The following SNX29 variants were observed in gnomAD, a reference collection of about 807,000 sequenced individuals.
The protein encoded by SNX29 is sorting nexin 29.
Under a neutral mutation model 102.1 loss-of-function variants are expected in SNX29, and 78 were observed. That is an observed-to-expected ratio of 0.76 (90% CI 0.64 to 0.92). The LOEUF is 0.92. Ranked by LOEUF, SNX29 falls within the 40% of genes least tolerant of loss-of-function variation. The pLI is 0.00. For missense variants in SNX29, 1,280 were observed against 1,061.7 expected (o/e 1.21, Z -2.86); for synonymous variants, 580 against 414.5 (o/e 1.40, Z -4.85).
chr16:12,220,971 G>A (rs1193742109), intron 14 of SNX29, among the ~76,000 whole-genome samples: 1 of 152,184 alleles, frequency 6.6e-6, no homozygotes, highest in Non-Finnish European at 1.5e-5. Flanking sequence ...GAATAAATAT[G>A]TGCTGTACAC....
intron 20 of SNX29, among the ~76,000 whole-genome samples, chr16:12,556,875 T>TAAGGTG (rs2078388162): frequency 2.6e-5 from 4 of 151,802 alleles, no homozygotes; most frequent in African/African-American, 9.7e-5. Context: ...TTTTTTGAGA[T>TAAGGTG]AGGGTCTCCG....
chr16:12,497,448 G>A (rs970951846), intron 19 of SNX29, among the ~76,000 whole-genome samples: 1 of 152,158 alleles, frequency 6.6e-6, no homozygotes, highest in South Asian at 2.1e-4. Context: ...GTGTATCATC[G>A]TGGATGCTTT....
At chr16:12,046,144 A>G (rs1268048633) in intron 5 of SNX29, among the ~76,000 whole-genome samples, 6 of 152,184 alleles carry the variant, frequency 3.9e-5, no homozygotes, top group African/African-American at 1.4e-4. Context: ...TATCATGTCT[A>G]TTTTAGTACT....
intron 10 of SNX29, 57 bp from the exon 11 acceptor site, chr16:12,078,776 T>C (rs2051712935): frequency 6.9e-7 from 1 of 1,453,544 alleles, no homozygotes; most frequent in Non-Finnish European, 9.5e-7. Flanking sequence ...TTTGGAATGG[T>C]GAGGGTGTGT....
chr16:12,007,954 C>A (rs112939436), intron 3 of SNX29, among the ~76,000 whole-genome samples: 2,012 of 152,060 alleles, frequency 0.013, 39 homozygotes, highest in African/African-American at 0.046. Flanking sequence ...CTTTTTCTTT[C>A]TTTTTTTGAG....
Position 12,572,711 on chromosome 16 carries a change from C to G in SNX29, c.*4082C>G, listed in dbSNP as rs1409078448. Reference sequence around the variant, plus strand: ...CTGCACTCCAGCAGCATCTTCCAGCCTTGGCACAGAACTGATGGCAAAGGA... The same window carrying G: ...CTGCACTCCAGCAGCATCTTCCAGCGTTGGCACAGAACTGATGGCAAAGGA... On this transcript the variant is annotated 3_prime_UTR_variant, in exon 21 of 21. Transcript: ENST00000566228. 2.8e-6 allele frequency: 3 copies of G among 1,063,874 alleles called. No homozygotes were observed. Among genetic ancestry groups the G allele is most frequent in the Non-Finnish European group, 3.4e-6 (3 of 878,446 alleles). 65.9% of individuals were successfully genotyped at this position (1,063,874 alleles called of 1,614,324 possible). A position where few individuals can be genotyped will look rare whatever the true frequency, so the allele number is the denominator to read the frequency against.
chr16:12,380,742 T>TCCAC (rs2083073247), intron 16 of SNX29, among the ~76,000 whole-genome samples: 1 of 48,972 alleles, frequency 2.0e-5, no homozygotes, highest in Non-Finnish European at 4.1e-5. Flanking sequence ...CATCCATCCA[T>TCCAC]CCACCCACCA....
intron 18 of SNX29, among the ~76,000 whole-genome samples, chr16:12,434,097 C>T (rs1209109061): frequency 6.6e-6 from 1 of 152,178 alleles, no homozygotes; most frequent in Admixed American, 6.5e-5. Flanking sequence ...GTGTTTATTT[C>T]ATGCCATTTG....
At chr16:12,010,898 G>T (rs374968291) in intron 3 of SNX29, among the ~76,000 whole-genome samples, 1 of 152,086 alleles carries the variant, frequency 6.6e-6, no homozygotes, top group Non-Finnish European at 1.5e-5. Flanking sequence ...GAGGACTTAC[G>T]AAACGGAATG....
At chr16:12,462,798 A>G (rs111232146) in intron 18 of SNX29, among the ~76,000 whole-genome samples, 11 of 152,238 alleles carry the variant, frequency 7.2e-5, no homozygotes, top group African/African-American at 2.7e-4. Context: ...AAAAAGCTCT[A>G]TGCAGAATAT....
chr16:12,082,487 A>G (rs1420257341), intron 11 of SNX29, among the ~76,000 whole-genome samples: 1 of 152,200 alleles, frequency 6.6e-6, no homozygotes, highest in Non-Finnish European at 1.5e-5. Flanking sequence ...TTCAGTGATG[A>G]CATACATGCC....
chr16:12,102,299 G>T (rs1477199369), intron 11 of SNX29, among the ~76,000 whole-genome samples: 1 of 152,160 alleles, frequency 6.6e-6, no homozygotes, highest in Non-Finnish European at 1.5e-5. Context: ...GGATTGCTGG[G>T]TCAAATGATA....
chr16:12,564,490 A>G (rs1219661386), intron 20 of SNX29, among the ~76,000 whole-genome samples: 1 of 152,214 alleles, frequency 6.6e-6, no homozygotes, highest in Non-Finnish European at 1.5e-5. Flanking sequence ...CAAGGTCTAG[A>G]GTGTCTTAAC....
intron 16 of SNX29, among the ~76,000 whole-genome samples, chr16:12,368,077 T>A (rs2082550746): frequency 6.6e-6 from 1 of 152,184 alleles, no homozygotes; most frequent in African/African-American, 2.4e-5. Context: ...TGGGGGGAGT[T>A]GGAAGTATTA....
intron 20 of SNX29, among the ~76,000 whole-genome samples, chr16:12,540,545 G>A (rs1009333820): frequency 6.6e-6 from 1 of 152,230 alleles, no homozygotes; most frequent in Admixed American, 6.5e-5. Flanking sequence ...CTTCCTGGCA[G>A]CCACCCTATG....
chr16:12,505,597 G>C (rs926833674), intron 19 of SNX29, among the ~76,000 whole-genome samples: 3 of 152,080 alleles, frequency 2.0e-5, no homozygotes, highest in Non-Finnish European at 2.9e-5. Flanking sequence ...AAGCAGATTC[G>C]CATAGTTAGC....
At chr16:12,390,386 A>G (rs2083487300) in intron 16 of SNX29, among the ~76,000 whole-genome samples, 2 of 152,016 alleles carry the variant, frequency 1.3e-5, no homozygotes, top group South Asian at 4.2e-4. Flanking sequence ...TGCCTCATCC[A>G]TCCCTGTCCT....
At chr16:12,482,814 GA>G (rs376164732) in intron 19 of SNX29, among the ~76,000 whole-genome samples, 73 of 152,290 alleles carry the variant, frequency 4.8e-4, no homozygotes, top group African/African-American at 1.6e-3. Flanking sequence ...TTTTATAGTT[GA>G]AAGTGATCTT....
chr16:12,447,878 C>G lies in SNX29; in HGVS notation c.2038-29841C>G, dbSNP rs892272386. Among the ~76,000 whole-genome samples, 15 of 152,254 alleles carry G rather than the reference C, an allele frequency of 9.9e-5. No individual in the cohort carries two copies. The Middle Eastern group carries it at 0.01, about 104-fold the overall frequency. On this transcript the variant is annotated intron_variant, in intron 18 of 20. Transcript: ENST00000566228. ...AACACACATCTGAGTGTCTCCATTGCTGGCACGGTTGTCAGGAAGACACTA... is the reference window on the plus strand; with the variant it reads ...AACACACATCTGAGTGTCTCCATTGGTGGCACGGTTGTCAGGAAGACACTA...
Sources: gnomAD v4.1 joint callset for allele counts (sites outside exome capture counted in the v4.1 genomes callset) on GRCh38, gnomAD v4.1.1 for gene constraint, MANE v1.5 for transcripts, NCBI Gene and HGNC (gene_info 2026-07-23, HGNC 2026-07-21) for gene names.